The following PLCB1 variants were observed in gnomAD, a reference collection of about 807,000 sequenced individuals.
PLCB1 encodes 1-phosphatidylinositol 4,5-bisphosphate phosphodiesterase beta-1.
Under a neutral mutation model 161.8 loss-of-function variants are expected in PLCB1, and 46 were observed. That is an observed-to-expected ratio of 0.28 (90% CI 0.22 to 0.36). PLCB1 has a LOEUF of 0.36. Ranked by LOEUF, PLCB1 falls within the 10% of genes least tolerant of loss-of-function variation. The pLI is 1.00. For missense variants in PLCB1, 1,016 were observed against 1,472.5 expected (o/e 0.69, Z 5.07); for synonymous variants, 517 against 503.7 (o/e 1.03, Z -0.35).
intron 3 of PLCB1, among the ~76,000 whole-genome samples, chr20:8,533,404 G>C (rs1984903544): frequency 6.6e-6 from 1 of 151,584 alleles, no homozygotes; most frequent in Non-Finnish European, 1.5e-5. Context: ...GGGTCAAATG[G>C]TATTTCTAGT....
chr20:8,145,523 G>T (rs2051444840), intron 1 of PLCB1, among the ~76,000 whole-genome samples: 1 of 152,204 alleles, frequency 6.6e-6, no homozygotes, highest in Non-Finnish European at 1.5e-5. Flanking sequence ...AGATATTGAA[G>T]AACTGACACT....
At chr20:8,784,702 C>G (rs1480751362) in intron 27 of PLCB1, among the ~76,000 whole-genome samples, 3 of 152,174 alleles carry the variant, frequency 2.0e-5, no homozygotes, top group Non-Finnish European at 4.4e-5. Context: ...ACATATACTC[C>G]TTGGGATTCT....
chr20:8,722,468 A>T (rs1406959183), intron 15 of PLCB1, 47 bp downstream of exon 15: 1 of 1,407,414 alleles, frequency 7.1e-7, no homozygotes, highest in Non-Finnish European at 9.8e-7. Context: ...ACCACCCTGT[A>T]CTCTCCTGGG....
intron 2 of PLCB1, among the ~76,000 whole-genome samples, chr20:8,315,576 G>T (rs1487355563): frequency 6.6e-6 from 1 of 152,136 alleles, no homozygotes; most frequent in Non-Finnish European, 1.5e-5. Context: ...GTGTTCTTGT[G>T]TTCTTAGTTT....
rs13039290 is a variant in PLCB1, at chr20:8,632,048, T to G, written c.384+3617T>G. On this transcript the variant is annotated intron_variant, in intron 4 of 31. Coordinates refer to ENST00000338037, the MANE Select transcript of PLCB1 (RefSeq NM_015192.4). ...GGGTTTTTTTTGCTTTTTTTTTTTT[T>G]TTTTTTTTTTTTTTTTTTTGCCTGC... Among the ~76,000 whole-genome samples the G allele has an allele frequency of 2.0e-3, 199 of 99,348 alleles. 4 individuals are homozygous for G. Among genetic ancestry groups the G allele is most frequent in the Admixed American group, 2.9e-3 (25 of 8,492 alleles). The allele number at this position is 99,348 out of a possible 152,430, so 65.2% of individuals were successfully genotyped here.
rs1989795397 is a variant in PLCB1 at position 8,665,771 on chromosome 20, GATTATAATC to G, written c.862+7068_862+7076del. Among the ~76,000 whole-genome samples, 3 of 152,158 alleles carry G rather than the reference GATTATAATC, an allele frequency of 2.0e-5. No individual in the cohort carries two copies. In the East Asian group the frequency reaches 5.8e-4, roughly 29 times the overall value. On this transcript the variant is annotated intron_variant, in intron 9 of 31. Coordinates refer to ENST00000338037, the MANE Select transcript of PLCB1 (RefSeq NM_015192.4). The stretch of plus-strand genomic sequence containing the variant: ...AGTTATAAAAACTAATGATGGTGAT[GATTATAATC>G]TCTATTCTCCATCCTTGAAAGATCA...
intron 3 of PLCB1, among the ~76,000 whole-genome samples, chr20:8,474,059 A>G (rs746018174): frequency 6.6e-6 from 1 of 152,198 alleles, no homozygotes; most frequent in Non-Finnish European, 1.5e-5. Context: ...TAAATTAGGC[A>G]GGAATATCAT....
At chr20:8,541,038 C>T (rs1985295208) in intron 3 of PLCB1, among the ~76,000 whole-genome samples, 1 of 152,144 alleles carries the variant, frequency 6.6e-6, no homozygotes, top group Admixed American at 6.5e-5. Context: ...CCTCCGTTAA[C>T]GTTGAGAAGG....
chr20:8,322,519 C>A (rs1027852579), intron 2 of PLCB1, among the ~76,000 whole-genome samples: 24 of 147,952 alleles, frequency 1.6e-4, no homozygotes, highest in African/African-American at 5.9e-4. Flanking sequence ...CTTAATAGTT[C>A]TTGCTGATAG....
chr20:8,807,176 C>T (rs532223069), intron 31 of PLCB1, among the ~76,000 whole-genome samples: 2 of 152,150 alleles, frequency 1.3e-5, no homozygotes, highest in African/African-American at 4.8e-5. Context: ...AAGTTTGTCA[C>T]TGAAATAATA....
Position 8,741,351 on chromosome 20 carries a change from A to G in PLCB1, c.2414-113A>G. On this transcript the variant is annotated intron_variant, in intron 22 of 31. Transcript: ENST00000338037. ...GATGGATGGATGGATGGGTGGGTAG[A>G]TGGGTGATGAATGAATGCATGGACT... The G allele has an allele frequency of 4.5e-6, 3 of 669,456 alleles. No individual in the cohort carries two copies. In the South Asian group the frequency reaches 5.0e-5, roughly 11 times the overall value. The allele number at this position is 669,456 out of a possible 1,614,324, so 41.5% of individuals were successfully genotyped here.
At chr20:8,172,278 T>C (rs2051740462) in intron 2 of PLCB1, among the ~76,000 whole-genome samples, 1 of 152,198 alleles carries the variant, frequency 6.6e-6, no homozygotes, top group Non-Finnish European at 1.5e-5. Context: ...GTAACTGTTT[T>C]ACATAGGTAC....
At chr20:8,497,843 A>G (rs1983240347) in intron 3 of PLCB1, among the ~76,000 whole-genome samples, 1 of 152,218 alleles carries the variant, frequency 6.6e-6, no homozygotes. Flanking sequence ...ACATGCAAGA[A>G]GCTCATTAAC....
intron 2 of PLCB1, among the ~76,000 whole-genome samples, chr20:8,321,020 TAAAG>T (rs543999649): frequency 0.012 from 1,820 of 150,388 alleles, 14 homozygotes; most frequent in Non-Finnish European, 0.019. Flanking sequence ...GGGAGGGAGA[TAAAG>T]AAAGAAAGAG....
intron 9 of PLCB1, among the ~76,000 whole-genome samples, chr20:8,667,695 C>A (rs1989847202): frequency 6.6e-6 from 1 of 152,128 alleles, no homozygotes. Flanking sequence ...AAAATATAAA[C>A]AGTAAAAGGC....
intron 3 of PLCB1, among the ~76,000 whole-genome samples, chr20:8,546,335 A>AAAAG (rs1420244469): frequency 7.1e-6 from 1 of 140,572 alleles, no homozygotes; most frequent in African/African-American, 2.6e-5. Flanking sequence ...AAAAAAAAAA[A>AAAAG]AAAGAAAGAA....
At chr20:8,573,348 T>G (rs1450525782) in intron 3 of PLCB1, among the ~76,000 whole-genome samples, 2 of 152,166 alleles carry the variant, frequency 1.3e-5, no homozygotes, top group Non-Finnish European at 2.9e-5. Flanking sequence ...GTTGACAACT[T>G]TTTCAAGAAC....
At chr20:8,736,726 C>A (rs1980604858) in intron 19 of PLCB1, among the ~76,000 whole-genome samples, 2 of 152,154 alleles carry the variant, frequency 1.3e-5, no homozygotes, top group African/African-American at 2.4e-5. Context: ...ACCATCAGAT[C>A]TTGTGAGAAC....
At chr20:8,243,123 A>C (rs1447216791) in intron 2 of PLCB1, among the ~76,000 whole-genome samples, 1 of 151,948 alleles carries the variant, frequency 6.6e-6, no homozygotes, top group Admixed American at 6.6e-5. Context: ...AACAGTTAAA[A>C]AATATCACGA....
Sources: allele counts gnomAD v4.1 joint callset (sites outside exome capture counted in the v4.1 genomes callset), GRCh38; gene constraint gnomAD v4.1.1; transcripts MANE v1.5; gene names NCBI Gene and HGNC (gene_info 2026-07-23, HGNC 2026-07-21).